Variants in TBC1D22A observed in about 807,000 individuals in gnomAD.
TBC1D22A encodes the protein TBC1 domain family member 22A.
TBC1D22A carries 38 observed loss-of-function variants against 60.2 expected under a neutral mutation model. That is an observed-to-expected ratio of 0.63 (90% CI 0.49 to 0.83). The LOEUF is 0.83. TBC1D22A is among the 40% of genes least tolerant of loss of function. TBC1D22A has a pLI of 0.00. For missense variants in TBC1D22A, 628 were observed against 701.0 expected (o/e 0.90, Z 1.18); for synonymous variants, 302 against 281.7 (o/e 1.07, Z -0.72).
At chr22:46,985,721 C>G (rs1041607253) in intron 9 of TBC1D22A, among the ~76,000 whole-genome samples, 1 of 152,186 alleles carries the variant, frequency 6.6e-6, no homozygotes, top group East Asian at 1.9e-4. Context: ...TGTGAACACT[C>G]ATGTCCACAT....
At chr22:47,060,583 A>C (rs1333783657) in intron 11 of TBC1D22A, among the ~76,000 whole-genome samples, 2 of 152,140 alleles carry the variant, frequency 1.3e-5, no homozygotes, top group African/African-American at 2.4e-5. Context: ...GATGCCTGCC[A>C]CCACGCCCAC....
At chr22:46,897,391 C>T (rs1569189095) in intron 7 of TBC1D22A, among the ~76,000 whole-genome samples, 1 of 152,068 alleles carries the variant, frequency 6.6e-6, no homozygotes, top group South Asian at 2.1e-4. Context: ...TGAAGTGAAG[C>T]ACCCTATGCA....
intron 12 of TBC1D22A, among the ~76,000 whole-genome samples, chr22:47,171,920 G>C (rs1178449727): frequency 8.2e-6 from 1 of 122,066 alleles, no homozygotes; most frequent in South Asian, 2.5e-4. Flanking sequence ...TAGCCCATCT[G>C]AGACACGGCC....
chr22:46,832,076 T>G (rs983465732), intron 4 of TBC1D22A, among the ~76,000 whole-genome samples: 2 of 152,212 alleles, frequency 1.3e-5, no homozygotes, highest in Non-Finnish European at 2.9e-5. Flanking sequence ...AGTCAACTTC[T>G]CGGCTTCATG....
At chr22:46,948,853 A>G (rs954914546) in intron 8 of TBC1D22A, among the ~76,000 whole-genome samples, 19 of 152,264 alleles carry the variant, frequency 1.2e-4, no homozygotes, top group Admixed American at 1.1e-3. Context: ...TCAGAAAATC[A>G]GAAAATCAGA....
At chr22:47,102,337 G>A (rs755322370) in intron 11 of TBC1D22A, among the ~76,000 whole-genome samples, 7 of 152,122 alleles carry the variant, frequency 4.6e-5, no homozygotes, top group East Asian at 1.9e-4. Context: ...GCTTCTCCAC[G>A]CCACAGCCTC....
At chr22:47,019,291 C>G (rs183007572) in intron 10 of TBC1D22A, among the ~76,000 whole-genome samples, 15 of 152,230 alleles carry the variant, frequency 9.9e-5, no homozygotes, top group Non-Finnish European at 1.6e-4. Context: ...CATGAACACC[C>G]TCACACTTCA....
In TBC1D22A at chr22:47,173,749, T is replaced by G. The variant is rs1230147693; in HGVS notation, c.*123T>G. 3.5e-6 allele frequency: 5 copies of G among 1,447,116 alleles called. No homozygotes were observed. Among genetic ancestry groups the G allele is most frequent in the Non-Finnish European group, 4.7e-6 (5 of 1,063,604 alleles). The allele number at this position is 1,447,116 out of a possible 1,614,324, so 89.6% of individuals were successfully genotyped here. ...AAGGCCTTGTGAGGTGGCCCCACCC[T>G]CCAGGGGAGCTGGTGAAGATGGGCC... On this transcript the variant is annotated 3_prime_UTR_variant, in exon 13 of 13. Coordinates refer to ENST00000337137, the MANE Select transcript of TBC1D22A (RefSeq NM_014346.5).
At chr22:47,170,343 T>C (rs1036210351) in intron 12 of TBC1D22A, among the ~76,000 whole-genome samples, 26 of 152,286 alleles carry the variant, frequency 1.7e-4, no homozygotes, top group Non-Finnish European at 1.5e-4. Context: ...CATGATAATA[T>C]GAAGCGAAGT....
chr22:46,984,862 G>A (rs1344732013), intron 9 of TBC1D22A, among the ~76,000 whole-genome samples: 1 of 152,226 alleles, frequency 6.6e-6, no homozygotes, highest in Non-Finnish European at 1.5e-5. Flanking sequence ...AGCAGGTATT[G>A]CCCTTCAGGT....
At chr22:46,978,503 T>C (rs1456537467) in intron 9 of TBC1D22A, among the ~76,000 whole-genome samples, 1 of 152,270 alleles carries the variant, frequency 6.6e-6, no homozygotes, top group Non-Finnish European at 1.5e-5. Flanking sequence ...AGAATTCTTG[T>C]ATCTACTTCT....
In TBC1D22A at chr22:46,875,463, C is replaced by CT. The variant is rs796724927; in HGVS notation, c.638-3182dup. Among the ~76,000 whole-genome samples, 648 of 149,408 alleles carry CT rather than the reference C, an allele frequency of 4.3e-3. 1 individual carries two copies. Among genetic ancestry groups the CT allele is most frequent in the African/African-American group, 0.015 (620 of 40,682 alleles). On this transcript the variant is annotated intron_variant, in intron 4 of 12. Transcript: ENST00000337137. ...GAGGGCAGCAATACTTTTTTTTTTT[C>CT]TTTTTTTTGAGACAGAGTCTCACTC...
At chr22:46,790,863 A>G (rs1202160106) in intron 1 of TBC1D22A, among the ~76,000 whole-genome samples, 6 of 152,160 alleles carry the variant, frequency 3.9e-5, no homozygotes, top group Non-Finnish European at 5.9e-5. Flanking sequence ...CCAAGAGGTT[A>G]TCATAGTTGT....
At chr22:46,894,696 T>G in intron 6 of TBC1D22A, 88 bp from the exon 7 acceptor site, 1 of 1,504,230 alleles carries the variant, frequency 6.6e-7, no homozygotes, top group Non-Finnish European at 9.3e-7. Flanking sequence ...GGGGAAGGAC[T>G]TACCTCAGTA....
chr22:46,768,410 A>G (rs1215779978), intron 1 of TBC1D22A, among the ~76,000 whole-genome samples: 4 of 149,816 alleles, frequency 2.7e-5, no homozygotes, highest in Non-Finnish European at 4.4e-5. Flanking sequence ...GCTTGAACAC[A>G]GGAGGCAGAG....
intron 11 of TBC1D22A, among the ~76,000 whole-genome samples, chr22:47,109,633 C>A (rs1173545949): frequency 6.6e-6 from 1 of 152,152 alleles, no homozygotes; most frequent in East Asian, 1.9e-4. Flanking sequence ...CATGGCCTTC[C>A]CACCAAAACA....
intron 12 of TBC1D22A, among the ~76,000 whole-genome samples, chr22:47,160,127 G>A (rs941120713): frequency 3.3e-5 from 5 of 152,232 alleles, no homozygotes; most frequent in Non-Finnish European, 7.3e-5. Flanking sequence ...CCCCTTCCTT[G>A]GTTTCCCCGC....
intron 10 of TBC1D22A, among the ~76,000 whole-genome samples, chr22:47,023,405 A>G (rs1009249504): frequency 6.6e-6 from 1 of 152,234 alleles, no homozygotes. Context: ...GTGGTCCCCT[A>G]AAGGGAGGAA....
chr22:46,884,470 G>A (rs115568376), intron 5 of TBC1D22A, among the ~76,000 whole-genome samples: 1,651 of 152,312 alleles, frequency 0.011, 28 homozygotes, highest in African/African-American at 0.036. Flanking sequence ...AAGCAGTGCC[G>A]TGGGCTCCTC....
Sources: gnomAD v4.1 joint callset for allele counts (sites outside exome capture counted in the v4.1 genomes callset) on GRCh38, gnomAD v4.1.1 for gene constraint, MANE v1.5 for transcripts, NCBI Gene and HGNC (gene_info 2026-07-23, HGNC 2026-07-21) for gene names.